Variants in ANK2 observed in about 807,000 individuals in gnomAD.
The protein encoded by ANK2 is ankyrin 2.
Under a neutral mutation model 360.5 loss-of-function variants are expected in ANK2, and 83 were observed. That is an observed-to-expected ratio of 0.23 (90% CI 0.19 to 0.28). The LOEUF is 0.28. Among genes scored for constraint, ANK2 ranks in the 10% least tolerant of loss-of-function variants. The pLI is 1.00. For synonymous variants in ANK2, 1,740 were observed against 1,759.5 expected, an observed-to-expected ratio of 0.99 and a Z score of 0.28; for missense variants, 4,201 against 4,795.7, an observed-to-expected ratio of 0.88 and a Z score of 3.66.
the ANK2 span, among the ~76,000 whole-genome samples, chr4:112,727,745 G>A: frequency 6.6e-6 from 1 of 152,302 alleles, no homozygotes; most frequent in African/African-American, 2.4e-5. Flanking sequence ...TTGGGAGGCT[G>A]AGGTGGGCAG....
chr4:113,202,709 T>TA (rs1246292718), intron 4 of ANK2, among the ~76,000 whole-genome samples: 2 of 152,190 alleles, frequency 1.3e-5, no homozygotes, highest in African/African-American at 2.4e-5. Context: ...AATACACACT[T>TA]ACGGATTTTT....
intron 13 of ANK2, among the ~76,000 whole-genome samples, chr4:113,259,574 T>A (rs912673593): frequency 2.0e-5 from 3 of 152,118 alleles, no homozygotes; most frequent in Admixed American, 6.5e-5. Flanking sequence ...TTCATGTTAT[T>A]CAGTAATTGG....
intron 2 of ANK2, among the ~76,000 whole-genome samples, chr4:113,035,040 AT>A (rs910492786): frequency 3.3e-5 from 5 of 150,924 alleles, no homozygotes; most frequent in African/African-American, 1.2e-4. Context: ...TCTACCTTCC[AT>A]TTTTTTTCCT....
intron 14 of ANK2, among the ~76,000 whole-genome samples, chr4:113,265,204 A>G (rs1337599345): frequency 6.6e-6 from 1 of 152,246 alleles, no homozygotes; most frequent in African/African-American, 2.4e-5. Flanking sequence ...CAGAAACATT[A>G]ACATTTGAAA....
the ANK2 span, among the ~76,000 whole-genome samples, chr4:112,775,515 T>TCACACACACACACACA: frequency 0.07 from 8,265 of 117,990 alleles, 488 homozygotes; most frequent in East Asian, 0.24. Flanking sequence ...CTAAGCTCCA[T>TCACACACACACACACA]CACACACACA....
rs2154052758 is a variant in ANK2, at chr4:113,365,056, T to C, written c.10906T>C (p.Cys3636Arg). Residue 3636 changes from cysteine (C) to arginine (R), a missense_variant, in exon 41 of 46, where the codon TGT (cysteine) becomes CGT (arginine). Physicochemically the swap from Cys to Arg is radical, Grantham distance 180. Around this residue, in one of 4 missense-constraint regions of ANK2, gnomAD observed 2,642 missense variants for 2,714.5 expected, o/e 0.97. Coordinates refer to ENST00000357077, the MANE Select transcript of ANK2 (RefSeq NM_001148.6). The stretch of plus-strand genomic sequence containing the variant: ...TGTGTCAGATACCAACCTCGTTGAA[T>C]GTCTCACCAAGATCAACCGAATGGA... The part of the protein sequence containing the change: ...KHATDTNLVE[C>R]LTKINRMDIV... The C allele has an allele frequency of 6.2e-7, 1 of 1,613,914 alleles. No individual in the cohort carries two copies. Among genetic ancestry groups the C allele is most frequent in the Non-Finnish European group, 8.5e-7 (1 of 1,179,842 alleles).
intron 2 of ANK2, among the ~76,000 whole-genome samples, chr4:113,014,128 G>A (rs1453768315): frequency 6.6e-6 from 1 of 152,042 alleles, no homozygotes; most frequent in Non-Finnish European, 1.5e-5. Flanking sequence ...TTCCCTGTCT[G>A]TTGCATGTTA....
intron 1 of ANK2, among the ~76,000 whole-genome samples, chr4:113,106,053 T>G (rs1254177420): frequency 1.3e-5 from 2 of 152,188 alleles, no homozygotes; most frequent in Non-Finnish European, 2.9e-5. Context: ...AGTATTTAAA[T>G]TTATAATTTG....
intron 1 of ANK2, among the ~76,000 whole-genome samples, chr4:112,869,012 G>A (rs2071765240): frequency 6.6e-6 from 1 of 152,030 alleles, no homozygotes; most frequent in Non-Finnish European, 1.5e-5. Flanking sequence ...CTAGGCTGGA[G>A]TGCAGTGGCA....
At chr4:112,775,437 T>TGAACCCAG in the ANK2 span, among the ~76,000 whole-genome samples, 1 of 150,222 alleles carries the variant, frequency 6.7e-6, no homozygotes, top group African/African-American at 2.4e-5. Context: ...GAGAATAGCT[T>TGAACCCAG]GAACCCAGGA....
chr4:113,115,245 G>A (rs916074277), intron 1 of ANK2, among the ~76,000 whole-genome samples: 1 of 152,210 alleles, frequency 6.6e-6, no homozygotes, highest in African/African-American at 2.4e-5. Flanking sequence ...GAATGACTAT[G>A]TGTATTTCTC....
chr4:113,365,315 A>G lies in ANK2; in HGVS notation c.11032+133A>G, dbSNP rs563970823. The G allele has an allele frequency of 3.5e-4, 343 of 967,408 alleles. 1 individual carries two copies. Among genetic ancestry groups the G allele is most frequent in the Non-Finnish European group, 5.0e-4 (319 of 639,890 alleles). 59.9% of individuals were successfully genotyped at this position (967,408 alleles called of 1,614,324 possible). A position where few individuals can be genotyped will look rare whatever the true frequency, so the allele number is the denominator to read the frequency against. On this transcript the variant is annotated intron_variant, in intron 41 of 45. Coordinates refer to ENST00000357077, the MANE Select transcript of ANK2 (RefSeq NM_001148.6). Reference sequence around the variant, plus strand: ...AGGTAGACCATGGCCTATGGTGATCATATGTTCTTTTCCTTGCTACCCTGA... The same window carrying G: ...AGGTAGACCATGGCCTATGGTGATCGTATGTTCTTTTCCTTGCTACCCTGA...
chr4:113,279,863 T>C (rs997732380), intron 17 of ANK2, among the ~76,000 whole-genome samples: 2 of 152,042 alleles, frequency 1.3e-5, no homozygotes, highest in East Asian at 1.9e-4. Flanking sequence ...TTCTTACTCC[T>C]CTTTTTTCTA....
chr4:113,135,476 A>G (rs190964058), intron 1 of ANK2, among the ~76,000 whole-genome samples: 282 of 151,876 alleles, frequency 1.9e-3, no homozygotes, highest in African/African-American at 6.6e-3. Flanking sequence ...TACATGTAAT[A>G]CCGTAGAGGC....
At chr4:113,321,517 C>G (rs1242688321) in intron 26 of ANK2, among the ~76,000 whole-genome samples, 2 of 152,134 alleles carry the variant, frequency 1.3e-5, no homozygotes, top group Middle Eastern at 3.2e-3. Context: ...ATTGAAAACT[C>G]AATGATTCTC....
At chr4:112,831,755 A>G (rs2059786413) in intron 1 of ANK2, among the ~76,000 whole-genome samples, 1 of 152,156 alleles carries the variant, frequency 6.6e-6, no homozygotes, top group African/African-American at 2.4e-5. Context: ...CGCCACCTTT[A>G]TAAGCTGTAA....
chr4:113,043,185 A>G (rs929922369), intron 2 of ANK2, among the ~76,000 whole-genome samples: 4 of 152,150 alleles, frequency 2.6e-5, no homozygotes, highest in Non-Finnish European at 5.9e-5. Flanking sequence ...GCTGATGCTG[A>G]TGGTGTAACT....
chr4:113,114,979 C>A (rs892813275), intron 1 of ANK2, among the ~76,000 whole-genome samples: 1 of 152,098 alleles, frequency 6.6e-6, no homozygotes, highest in Non-Finnish European at 1.5e-5. Context: ...TTGCTTGTTG[C>A]GAACATTTTT....
At chr4:112,742,539 T>C in the ANK2 span, among the ~76,000 whole-genome samples, 255 of 152,228 alleles carry the variant, frequency 1.7e-3, 2 homozygotes, top group African/African-American at 5.5e-3. Flanking sequence ...GCATTATATT[T>C]TAGACAATGG....
Sources: allele counts gnomAD v4.1 joint callset (sites outside exome capture counted in the v4.1 genomes callset), GRCh38; gene constraint gnomAD v4.1.1; regional missense constraint gnomAD v4.1.1; transcripts MANE v1.5; gene names NCBI Gene and HGNC (gene_info 2026-07-23, HGNC 2026-07-21).